CCDC154: variants seen among roughly 807,000 people sequenced by gnomAD.
CCDC154 encodes the protein coiled-coil domain-containing protein 154.
Under a neutral mutation model 87.5 loss-of-function variants are expected in CCDC154, and 91 were observed. That is an observed-to-expected ratio of 1.04 (90% CI 0.88 to 1.24). The LOEUF is 1.24. CCDC154 is among the 50% of genes most tolerant of loss of function. The pLI is 0.00. For missense variants in CCDC154, 903 were observed against 879.2 expected (o/e 1.03, Z -0.34); for synonymous variants, 418 against 400.4 (o/e 1.04, Z -0.52).
In CCDC154 at chr16:1,434,760, G is replaced by C. The variant is rs2038484950; in HGVS notation, c.1785C>G (p.Leu595=). 5 of 1,545,130 alleles carry C rather than the reference G, an allele frequency of 3.2e-6. No homozygotes were observed. Among genetic ancestry groups the C allele is most frequent in the Admixed American group, 2.0e-5 (1 of 50,968 alleles). Residue 595 remains leucine, a synonymous_variant, in exon 16 of 17, where the codon CTC becomes CTG. Coordinates refer to ENST00000389176, the MANE Select transcript of CCDC154 (RefSeq NM_001143980.3). ...AGACCCGCGGCCTCACCAGGGATGGGAGCGCCTTCCAGCTGCCCAGCGGCG... is the reference window on the plus strand; with the variant it reads ...AGACCCGCGGCCTCACCAGGGATGGCAGCGCCTTCCAGCTGCCCAGCGGCG... ...PRTPLGSWKA[L]PSLVRPRVFI... is the part of the protein sequence containing the mutation.
chr16:1,443,343 G>T, intron 3 of CCDC154, 42 bp from the exon 4 acceptor site: 1 of 1,534,452 alleles, frequency 6.5e-7, no homozygotes, highest in Non-Finnish European at 8.8e-7. Context: ...ACCTAGGCCC[G>T]GGTCTGGCAC....
In CCDC154 at chr16:1,444,021, A is replaced by G; in HGVS notation, c.8-9T>C. ...TCCACTGTCAGCCAACTCTACAAGG[A>G]GGCATCTTGGGAGCTTGCCCCTTGG... is the stretch of plus-strand genomic sequence containing the variant. On this transcript the variant is annotated splice_polypyrimidine_tract_variant and intron_variant, in intron 1 of 16. Coordinates refer to ENST00000389176, the MANE Select transcript of CCDC154 (RefSeq NM_001143980.3). The G allele has an allele frequency of 7.7e-7, 1 of 1,297,256 alleles. No individual in the cohort carries two copies. The highest frequency in any genetic ancestry group is 1.0e-6 in the Non-Finnish European group (1 of 988,648). 80.4% of individuals were successfully genotyped at this position (1,297,256 alleles called of 1,614,324 possible).
Position 1,443,299 on chromosome 16 carries a change from G to A in CCDC154, c.417C>T (p.Phe139=), listed in dbSNP as rs1449207328. 6.5e-7 allele frequency: 1 copy of A among 1,548,708 alleles called. No individual in the cohort carries two copies. The highest frequency in any genetic ancestry group is 2.0e-5 in the Admixed American group (1 of 50,340). Residue 139 remains phenylalanine, a splice_region_variant and synonymous_variant, in exon 4 of 17, where the codon TTC becomes TTT. Transcript: ENST00000389176. Reference sequence around the variant, plus strand: ...CCTGCATCTGGTTCTGGAGACCAGAGAACTGCGAGGAGGAAGAGGAGGCTG... The same window carrying A: ...CCTGCATCTGGTTCTGGAGACCAGAAAACTGCGAGGAGGAAGAGGAGGCTG... ...AQAPEKEAPE[F]SGLQNQMQAL...
At chr16:1,443,096 C>T (rs947024609) in intron 4 of CCDC154, 121 bp from the exon 5 acceptor site, 33 of 1,383,188 alleles carry the variant, frequency 2.4e-5, no homozygotes, top group African/African-American at 4.3e-5. Context: ...CTCTGAAGGC[C>T]GCCCAGGCAC....
intron 6 of CCDC154, among the ~76,000 whole-genome samples, chr16:1,440,000 G>A (rs1026255631): frequency 6.6e-6 from 1 of 151,926 alleles, no homozygotes; most frequent in Non-Finnish European, 1.5e-5. Flanking sequence ...ACTACAGAAA[G>A]TAGCCAGACA....
chr16:1,436,148 G>C (rs973317479), intron 13 of CCDC154, 62 bp from the exon 14 acceptor site: 1 of 1,367,460 alleles, frequency 7.3e-7, no homozygotes, highest in Non-Finnish European at 1.0e-6. Context: ...CCAGGACCGG[G>C]GACAAAGGCC....
chr16:1,440,506 A>AAC (rs1321851252), intron 6 of CCDC154, among the ~76,000 whole-genome samples: 1 of 151,442 alleles, frequency 6.6e-6, no homozygotes, highest in African/African-American at 2.4e-5. Context: ...AAGAGAAGAG[A>AAC]AGAGAAGAGA....
intron 9 of CCDC154, 40 bp from the exon 10 acceptor site, chr16:1,438,216 GC>G: frequency 1.3e-6 from 2 of 1,482,304 alleles, no homozygotes. Context: ...AGTGGAGCCT[GC>G]CCACCTCTCA....
Position 1,438,542 on chromosome 16 carries a change from G to A in CCDC154, c.1025+77C>T, listed in dbSNP as rs532332213. ...AGGCAAGGTCATTCCCTGCTGAGTC[G>A]GCCACTGCGGCCCCCTCCTGAGTGG... On this transcript the variant is annotated intron_variant, in intron 9 of 16. Transcript: ENST00000389176. The A allele has an allele frequency of 3.2e-5, 42 of 1,313,758 alleles. No homozygotes were observed. In the South Asian group the frequency reaches 3.8e-4, roughly 12 times the overall value. The allele number at this position is 1,313,758 out of a possible 1,614,324, so 81.4% of individuals were successfully genotyped here.
intron 6 of CCDC154, among the ~76,000 whole-genome samples, chr16:1,439,711 T>C (rs776356122): frequency 6.6e-6 from 1 of 152,156 alleles, no homozygotes; most frequent in Non-Finnish European, 1.5e-5. Flanking sequence ...GAGGTCACCT[T>C]AGAGTAGATA....
intron 9 of CCDC154, 166 bp downstream of exon 9, chr16:1,438,453 C>G (rs747339340): frequency 3.1e-5 from 23 of 751,856 alleles, no homozygotes; most frequent in Non-Finnish European, 4.9e-5. Flanking sequence ...GGAGGCCCCA[C>G]AGGAGGGAGG....
intron 11 of CCDC154, chr16:1,437,081 G>A (rs1030831821): frequency 2.0e-6 from 1 of 497,530 alleles, no homozygotes; most frequent in South Asian, 2.6e-5. Context: ...GGCCCCGGTG[G>A]GACCCAGCCC....
chr16:1,438,326 G>T, intron 9 of CCDC154, 150 bp from the exon 10 acceptor site: 1 of 1,013,956 alleles, frequency 9.9e-7, no homozygotes, highest in Non-Finnish European at 1.4e-6. Context: ...CACCAACACG[G>T]GTTCACTCCC....
Position 1,438,960 on chromosome 16 carries a change from C to T in CCDC154, c.778-17G>A. The T allele has an allele frequency of 6.5e-7, 1 of 1,548,870 alleles. No individual in the cohort carries two copies. Among genetic ancestry groups the T allele is most frequent in the Non-Finnish European group, 8.7e-7 (1 of 1,145,928 alleles). ...CTTCATTCTCTGTGGGGAGACCCCACTGTCAGCTGCAGGTCTGCGTCTGGG... is the reference window on the plus strand; with the variant it reads ...CTTCATTCTCTGTGGGGAGACCCCATTGTCAGCTGCAGGTCTGCGTCTGGG... On this transcript the variant is annotated splice_polypyrimidine_tract_variant and intron_variant, in intron 7 of 16. Transcript: ENST00000389176.
rs1020531363 is a variant in CCDC154 at position 1,442,314 on chromosome 16, C to T, written c.675+92G>A. The T allele has an allele frequency of 4.2e-5, 57 of 1,353,164 alleles. No homozygotes were observed. In the African/African-American group the frequency reaches 6.7e-4, roughly 16 times the overall value. The allele number at this position is 1,353,164 out of a possible 1,614,324, so 83.8% of individuals were successfully genotyped here. A position where few individuals can be genotyped will look rare whatever the true frequency, so the allele number is the denominator to read the frequency against. ...TCAGTGGACACAGATACATGGTGAA[C>T]GGCCGCTGTATCGGATGGCACAGGC... On this transcript the variant is annotated intron_variant, in intron 6 of 16. Transcript: ENST00000389176.
At chr16:1,435,618 C>T (rs1429230783) in intron 14 of CCDC154, among the ~76,000 whole-genome samples, 1 of 152,214 alleles carries the variant, frequency 6.6e-6, no homozygotes, top group African/African-American at 2.4e-5. Context: ...CTCCACCTTC[C>T]AGGTTCGAGT....
rs760208890 is a variant in CCDC154, at chr16:1,435,932, C to A, written c.1605+37G>T. On this transcript the variant is annotated intron_variant, in intron 14 of 16. Transcript: ENST00000389176. ...CCCCGTCTGAACCTGATGGCTCCCC[C>A]TCTCTCCCAGCTGGGTGCGGGCAGC... The A allele has an allele frequency of 1.1e-5, 17 of 1,510,934 alleles. No individual in the cohort carries two copies. The African/African-American group carries it at 1.4e-4, about 12-fold the overall frequency. 93.6% of individuals were successfully genotyped at this position (1,510,934 alleles called of 1,614,324 possible). A position where few individuals can be genotyped will look rare whatever the true frequency, so the allele number is the denominator to read the frequency against.
chr16:1,441,313 G>A (rs1451387024), intron 6 of CCDC154, among the ~76,000 whole-genome samples: 1 of 152,238 alleles, frequency 6.6e-6, no homozygotes, highest in African/African-American at 2.4e-5. Context: ...CAGTGAGAGG[G>A]AGGCTGCCGG....
chr16:1,436,235 G>T, intron 13 of CCDC154, 149 bp from the exon 14 acceptor site: 1 of 829,518 alleles, frequency 1.2e-6, no homozygotes, highest in Non-Finnish European at 1.9e-6. Flanking sequence ...GAAGGTGGGG[G>T]TCCCCAACGG....
Sources: gnomAD v4.1 joint callset for allele counts (sites outside exome capture counted in the v4.1 genomes callset) on GRCh38, gnomAD v4.1.1 for gene constraint, MANE v1.5 for transcripts, NCBI Gene and HGNC (gene_info 2026-07-23, HGNC 2026-07-21) for gene names.